ZNF410: variants seen among roughly 807,000 people sequenced by gnomAD.
The protein encoded by ZNF410 is another partner for ARF 1.
In ZNF410, 18 loss-of-function variants were observed where a neutral mutation model predicts 54.8. The observed-to-expected ratio is 0.33, with a 90% CI of 0.23 to 0.49. ZNF410 has a LOEUF of 0.49. Among genes scored for constraint, ZNF410 ranks in the 20% least tolerant of loss-of-function variants. ZNF410 has a pLI of 0.99. For synonymous variants in ZNF410, 191 were observed against 207.3 expected (o/e 0.92, Z 0.68); for missense variants, 405 against 569.6 (o/e 0.71, Z 2.94).
chr14:73,915,351 T>G (rs2055648365), intron 8 of ZNF410, among the ~76,000 whole-genome samples: 1 of 151,924 alleles, frequency 6.6e-6, no homozygotes, highest in African/African-American at 2.4e-5. Context: ...TAATTTTTTT[T>G]TTTTAAGACA....
At chr14:73,891,733 T>A in intron 1 of ZNF410, 1 of 364,410 alleles carries the variant, frequency 2.7e-6, no homozygotes, top group Non-Finnish European at 4.9e-6. Context: ...GTGTATACAT[T>A]GCTTCCAGTT....
chr14:73,906,620 C>T (rs2055494590), intron 7 of ZNF410, among the ~76,000 whole-genome samples: 2 of 152,172 alleles, frequency 1.3e-5, no homozygotes, highest in East Asian at 1.9e-4. Flanking sequence ...GCTGGGATTA[C>T]AGGTGTGCAC....
intron 8 of ZNF410, 114 bp from the exon 9 acceptor site, chr14:73,920,866 A>G: frequency 7.2e-7 from 1 of 1,392,776 alleles, no homozygotes; most frequent in Non-Finnish European, 9.8e-7. Context: ...GGAATGGGAA[A>G]AGGAGCAGCT....
chr14:73,921,146 G>C (rs1179668670), intron 9 of ZNF410, 41 bp downstream of exon 9: 1 of 1,607,690 alleles, frequency 6.2e-7, no homozygotes, highest in East Asian at 2.2e-5. Flanking sequence ...ACTACTTCTA[G>C]GGTTCCAAGA....
chr14:73,923,547 T>G, intron 11 of ZNF410, 25 bp downstream of exon 11: 7 of 1,601,608 alleles, frequency 4.4e-6, no homozygotes, highest in Non-Finnish European at 6.0e-6. Flanking sequence ...TGCCCTTTGT[T>G]TCTGTGACAA....
In ZNF410 at chr14:73,905,966, CACATAT is replaced by C. The variant is rs1388134094; in HGVS notation, c.913+885_913+890del. Among the ~76,000 whole-genome samples, 146 of 66,566 alleles carry C rather than the reference CACATAT, an allele frequency of 2.2e-3. 1 individual carries two copies. The highest frequency in any genetic ancestry group is 3.6e-3 in the East Asian group (15 of 4,202). 43.7% of individuals were successfully genotyped at this position (66,566 alleles called of 152,430 possible). On this transcript the variant is annotated intron_variant, in intron 7 of 11. Coordinates refer to ENST00000555044, the MANE Select transcript of ZNF410 (RefSeq NM_021188.3). ...ATATACACACACACACACACACACA[CACATAT>C]ATATATATATATATATATATATACA...
intron 8 of ZNF410, 193 bp downstream of exon 8, chr14:73,909,623 AATT>A (rs2055547225): frequency 3.8e-5 from 19 of 501,884 alleles, no homozygotes; most frequent in African/African-American, 5.8e-5. Context: ...GGGGACATCT[AATT>A]ATTATTTTCA....
At chr14:73,905,968 CAT>C (rs375039083) in intron 7 of ZNF410, among the ~76,000 whole-genome samples, 6,176 of 78,678 alleles carry the variant, frequency 0.078, 230 homozygotes, top group African/African-American at 0.12. Flanking sequence ...CACACACACA[CAT>C]ATATATATAT....
intron 8 of ZNF410, among the ~76,000 whole-genome samples, chr14:73,910,062 G>A (rs1031322404): frequency 1.2e-4 from 18 of 152,118 alleles, no homozygotes; most frequent in African/African-American, 4.1e-4. Flanking sequence ...CAGGTACAGC[G>A]CAGGGAAAAG....
chr14:73,925,330 G>A (rs1712398973), intron 11 of ZNF410, among the ~76,000 whole-genome samples: 1 of 151,834 alleles, frequency 6.6e-6, no homozygotes. Context: ...TTTTATTATG[G>A]AAATTTTCAG....
At position 73,921,083 on chromosome 14, in the gene ZNF410, G is replaced by C. The variant is rs528491488; in HGVS notation, c.1107G>C (p.Gly369=). 1 of 1,614,100 alleles carries C rather than the reference G, an allele frequency of 6.2e-7. No homozygotes were observed. Among genetic ancestry groups the C allele is most frequent in the East Asian group, 2.2e-5 (1 of 44,884 alleles). The part of the protein sequence containing the change: ...RKHHLQLGAA[G]SQEQEQTAEP... ...ATCACCTGCAGCTGGGAGCAGCTGGGAGTCAAGAGCAGGAGCAAACTGGTG... is the reference window on the plus strand; with the variant it reads ...ATCACCTGCAGCTGGGAGCAGCTGGCAGTCAAGAGCAGGAGCAAACTGGTG... Residue 369 remains glycine, a synonymous_variant, in exon 9 of 12, where the codon GGG becomes GGC. Coordinates refer to ENST00000555044, the MANE Select transcript of ZNF410 (RefSeq NM_021188.3).
intron 8 of ZNF410, among the ~76,000 whole-genome samples, chr14:73,910,039 C>T (rs2055553373): frequency 6.6e-6 from 1 of 152,172 alleles, no homozygotes; most frequent in Admixed American, 6.5e-5. Flanking sequence ...ATCTCATCCT[C>T]TCAACCAGAA....
intron 5 of ZNF410, among the ~76,000 whole-genome samples, chr14:73,902,757 GA>G (rs2055427303): frequency 6.6e-6 from 1 of 152,116 alleles, no homozygotes. Flanking sequence ...TGAAGAAAGT[GA>G]AAGAAAAGGA....
intron 8 of ZNF410, chr14:73,913,283 A>C (rs1209945027): frequency 6.7e-6 from 1 of 149,794 alleles, no homozygotes; most frequent in Non-Finnish European, 1.5e-5. Flanking sequence ...AAAGAAAAGA[A>C]CAAGTTTTCC....
At chr14:73,905,238 A>G in intron 7 of ZNF410, 155 bp downstream of exon 7, 2 of 715,674 alleles carry the variant, frequency 2.8e-6, no homozygotes, top group South Asian at 4.6e-5. Flanking sequence ...GACTTGTTGC[A>G]CTTATAATAA....
At chr14:73,931,099 A>G (rs1210915648) in intron 11 of ZNF410, among the ~76,000 whole-genome samples, 3 of 152,136 alleles carry the variant, frequency 2.0e-5, no homozygotes, top group African/African-American at 7.2e-5. Flanking sequence ...CTTATAAAGG[A>G]ACAGCTCCTC....
intron 4 of ZNF410, among the ~76,000 whole-genome samples, chr14:73,897,650 C>T (rs2055339484): frequency 1.3e-5 from 2 of 151,962 alleles, no homozygotes; most frequent in South Asian, 2.1e-4. Flanking sequence ...AGGTAAAAGG[C>T]GAAGGTCAGG....
In ZNF410 at chr14:73,918,686, CTTTT is replaced by C. The variant is rs71115932; in HGVS notation, c.1004-2269_1004-2266del. 7.6e-3 allele frequency among the ~76,000 whole-genome samples: 563 copies of C among 74,494 alleles called. 6 individuals carry two copies. The highest frequency in any genetic ancestry group is 0.021 in the Middle Eastern group (2 of 96). The allele number at this position is 74,494 out of a possible 152,430, so 48.9% of individuals were successfully genotyped here. ...GCCTGTTCTGGACATTTCATATGGC[CTTTT>C]TTTTTTTTTTTTTTTTTTTTTTTTC... On this transcript the variant is annotated intron_variant, in intron 8 of 11. Coordinates refer to ENST00000555044, the MANE Select transcript of ZNF410 (RefSeq NM_021188.3).
chr14:73,892,104 GAAGGTAT>G lies in ZNF410; in HGVS notation c.-71_-65del. The G allele has an allele frequency of 6.8e-7, 1 of 1,467,330 alleles. No homozygotes were observed. The allele number at this position is 1,467,330 out of a possible 1,614,324, so 90.9% of individuals were successfully genotyped here. A position where few individuals can be genotyped will look rare whatever the true frequency, so the allele number is the denominator to read the frequency against. On this transcript the variant is annotated 5_prime_UTR_variant, in exon 2 of 12. The change abolishes the stop of an existing upstream ORF in the 5' untranslated region. Coordinates refer to ENST00000555044, the MANE Select transcript of ZNF410 (RefSeq NM_021188.3). The stretch of plus-strand genomic sequence containing the variant: ...TCCTAGAGGAATATGAACATAACAG[GAAGGTAT>G]CATTGGCTCTGAATTAAATTTGAAC...
Sources: gnomAD v4.1 joint callset for allele counts (sites outside exome capture counted in the v4.1 genomes callset) on GRCh38, gnomAD v4.1.1 for gene constraint, MANE v1.5 for transcripts, NCBI Gene and HGNC (gene_info 2026-07-23, HGNC 2026-07-21) for gene names.